The following KCNH7 variants were observed in gnomAD, a reference collection of about 807,000 sequenced individuals.
KCNH7 encodes potassium voltage-gated channel subfamily H member 7.
In KCNH7, 49 loss-of-function variants were observed where a neutral mutation model predicts 120.8. The ratio of observed to expected loss-of-function variants is 0.41; its 90% confidence interval spans 0.32 to 0.51. The LOEUF is 0.51. Among genes scored for constraint, KCNH7 ranks in the 20% least tolerant of loss-of-function variants. The probability of loss-of-function intolerance (pLI) is 0.38; values close to 1 mark genes in which losing one functional copy is unlikely to be tolerated. For missense variants in KCNH7, 1,097 were observed against 1,446.6 expected (o/e 0.76, Z 3.92); for synonymous variants, 547 against 516.1 (o/e 1.06, Z -0.81).
chr2:162,520,036 C>G (rs1691465001), intron 3 of KCNH7, among the ~76,000 whole-genome samples: 1 of 151,566 alleles, frequency 6.6e-6, no homozygotes, highest in African/African-American at 2.4e-5. Context: ...GCCCAGACCT[C>G]TCCTCTGTGT....
At chr2:162,722,152 G>A (rs920133813) in intron 2 of KCNH7, among the ~76,000 whole-genome samples, 2 of 151,840 alleles carry the variant, frequency 1.3e-5, no homozygotes, top group East Asian at 1.9e-4. Context: ...TTTACTAAAC[G>A]AACCAAAATT....
chr2:162,529,113 G>T (rs951888608), intron 3 of KCNH7, among the ~76,000 whole-genome samples: 10 of 152,000 alleles, frequency 6.6e-5, no homozygotes, highest in Non-Finnish European at 1.5e-4. Context: ...GAGATGTCTA[G>T]TGGGATATAT....
At chr2:162,651,493 C>T (rs1684563608) in intron 2 of KCNH7, among the ~76,000 whole-genome samples, 1 of 152,076 alleles carries the variant, frequency 6.6e-6, no homozygotes, top group South Asian at 2.1e-4. Context: ...TGTTAGTTTG[C>T]TAAGGATAAT....
intron 2 of KCNH7, among the ~76,000 whole-genome samples, chr2:162,748,858 T>TCCCCTCCCC (rs1688418557): frequency 3.6e-5 from 1 of 27,434 alleles, no homozygotes; most frequent in African/African-American, 1.8e-4. Flanking sequence ...TCCCCTCCCC[T>TCCCCTCCCC]TCCCTCCCCT....
intron 2 of KCNH7, among the ~76,000 whole-genome samples, chr2:162,621,579 A>G (rs1373572803): frequency 9.2e-5 from 14 of 152,182 alleles, no homozygotes; most frequent in Admixed American, 9.2e-4. Flanking sequence ...GAATAAAACC[A>G]CGTAGAATTA....
intron 8 of KCNH7, among the ~76,000 whole-genome samples, chr2:162,425,043 G>T (rs73018949): frequency 6.6e-6 from 1 of 152,066 alleles, no homozygotes; most frequent in African/African-American, 2.4e-5. Context: ...CTCATTGAAG[G>T]CCTGAATAGA....
chr2:162,497,546 A>G (rs761053443), intron 6 of KCNH7, among the ~76,000 whole-genome samples: 10 of 152,178 alleles, frequency 6.6e-5, no homozygotes, highest in Non-Finnish European at 1.0e-4. Flanking sequence ...CAACTGCCAC[A>G]GTAACTCCTG....
Position 162,423,153 on chromosome 2 carries a change from A to G in KCNH7, c.2154+183T>C. ...AATGCCTTTGCCACACAGTATAACT[A>G]GATATAGCACCATGCAATGCCATGA... On this transcript the variant is annotated intron_variant, in intron 9 of 15. Coordinates refer to ENST00000332142, the MANE Select transcript of KCNH7 (RefSeq NM_033272.4). 3.9e-6 allele frequency: 5 copies of G among 1,266,718 alleles called. No individual in the cohort carries two copies. In the South Asian group the frequency reaches 5.7e-5, roughly 14 times the overall value. 78.5% of individuals were successfully genotyped at this position (1,266,718 alleles called of 1,614,324 possible).
intron 14 of KCNH7, among the ~76,000 whole-genome samples, chr2:162,375,052 T>A (rs1312582452): frequency 6.6e-6 from 1 of 152,184 alleles, no homozygotes; most frequent in Non-Finnish European, 1.5e-5. Flanking sequence ...ACTCTTCAAG[T>A]CCCAGCTTAT....
At chr2:162,548,855 C>A (rs979258820) in intron 2 of KCNH7, among the ~76,000 whole-genome samples, 2 of 152,132 alleles carry the variant, frequency 1.3e-5, no homozygotes, top group African/African-American at 4.8e-5. Flanking sequence ...AAGCATAAAA[C>A]ATTGCCTTGT....
chr2:162,609,893 C>T (rs112380543), intron 2 of KCNH7, among the ~76,000 whole-genome samples: 3 of 152,208 alleles, frequency 2.0e-5, no homozygotes, highest in East Asian at 1.9e-4. Flanking sequence ...AGCAGATTAT[C>T]GTCAGGAAGA....
At chr2:162,396,575 C>G (rs896220213) in intron 11 of KCNH7, among the ~76,000 whole-genome samples, 165 bp downstream of exon 11, 3 of 151,758 alleles carry the variant, frequency 2.0e-5, no homozygotes, top group Non-Finnish European at 2.9e-5. Context: ...AATTTCTTTC[C>G]TATAATTCAG....
chr2:162,660,470 T>C (rs1209095427), intron 2 of KCNH7, among the ~76,000 whole-genome samples: 1 of 152,180 alleles, frequency 6.6e-6, no homozygotes, highest in Non-Finnish European at 1.5e-5. Flanking sequence ...GGTCTGAGAG[T>C]ATCCATTGTA....
intron 3 of KCNH7, among the ~76,000 whole-genome samples, chr2:162,533,158 A>C (rs1691987251): frequency 6.6e-6 from 1 of 151,870 alleles, no homozygotes; most frequent in Non-Finnish European, 1.5e-5. Context: ...GTTGGAAAAA[A>C]ATATAAATTT....
chr2:162,772,521 T>G (rs1488967902), intron 2 of KCNH7, among the ~76,000 whole-genome samples: 2 of 152,114 alleles, frequency 1.3e-5, no homozygotes, highest in African/African-American at 2.4e-5. Flanking sequence ...TTTCTCCTGT[T>G]GGAGTATTTA....
Position 162,649,803 on chromosome 2 carries a change from C to T in KCNH7, c.308-112723G>A, listed in dbSNP as rs76269409. On this transcript the variant is annotated intron_variant, in intron 2 of 15. Transcript: ENST00000332142. The stretch of plus-strand genomic sequence containing the variant: ...AATCTCTCTTTGTTGGGTCAGTAAC[C>T]GAGTATAATTAAACATAGCTACATT... Among the ~76,000 whole-genome samples, 760 of 152,118 alleles carry T rather than the reference C, an allele frequency of 5.0e-3. 10 individuals carry two copies. The highest frequency in any genetic ancestry group is 0.018 in the African/African-American group (732 of 41,508).
chr2:162,432,189 G>C (rs1271173716), intron 8 of KCNH7, among the ~76,000 whole-genome samples: 1 of 151,926 alleles, frequency 6.6e-6, no homozygotes, highest in Non-Finnish European at 1.5e-5. Context: ...TTTACTATTA[G>C]TTTTAATCGC....
intron 10 of KCNH7, among the ~76,000 whole-genome samples, chr2:162,397,613 A>G (rs1686952459): frequency 6.6e-6 from 1 of 151,770 alleles, no homozygotes; most frequent in Non-Finnish European, 1.5e-5. Flanking sequence ...TTCTAACAGG[A>G]CTTCCCCATC....
At chr2:162,543,976 T>A (rs2105842586) in intron 2 of KCNH7, among the ~76,000 whole-genome samples, 1 of 152,290 alleles carries the variant, frequency 6.6e-6, no homozygotes, top group East Asian at 1.9e-4. Flanking sequence ...ACTCAGCCCT[T>A]AAGGAGCTTG....
Sources: gnomAD v4.1 joint callset for allele counts (sites outside exome capture counted in the v4.1 genomes callset) on GRCh38, gnomAD v4.1.1 for gene constraint, MANE v1.5 for transcripts, NCBI Gene and HGNC (gene_info 2026-07-23, HGNC 2026-07-21) for gene names.